The following ELK1 variants were observed in gnomAD, a reference collection of about 807,000 sequenced individuals.
ELK1 encodes ETS domain-containing protein Elk-1.
For missense variants in ELK1, 254 were observed against 381.5 expected, an observed-to-expected ratio of 0.67 and a Z score of 2.78; for synonymous variants, 163 against 176.3, an observed-to-expected ratio of 0.92 and a Z score of 0.60.
intron 2 of ELK1, among the ~76,000 whole-genome samples, chrX:47,648,382 T>C (rs1270831648): frequency 8.8e-6 from 1 of 113,008 alleles, no homozygotes; most frequent in East Asian, 2.8e-4. Context: ...CAGAGCATAT[T>C]ACGTACCTCA....
At chrX:47,647,950 T>C (rs2058048667) in intron 2 of ELK1, among the ~76,000 whole-genome samples, 1 of 112,479 alleles carries the variant, frequency 8.9e-6, no homozygotes, top group African/African-American at 3.2e-5. Context: ...ACAAGTAGCA[T>C]TGTTAGGAAC....
chrX:47,644,406 G>A (rs1035048122), intron 2 of ELK1, among the ~76,000 whole-genome samples: 1 of 111,493 alleles, frequency 9.0e-6, no homozygotes, highest in African/African-American at 3.3e-5. Context: ...ATACAGTCGA[G>A]AACGCAACAG....
intron 5 of ELK1, 27 bp from the exon 6 acceptor site, chrX:47,637,141 A>C: frequency 4.5e-5 from 53 of 1,167,662 alleles, no homozygotes; most frequent in Middle Eastern, 3.2e-4. Context: ...GTCGGAGCTC[A>C]AGTGAGTAGA....
intron 3 of ELK1, 53 bp downstream of exon 3, chrX:47,641,179 T>A: frequency 8.7e-7 from 1 of 1,152,424 alleles, no homozygotes. Context: ...CAAAATAAAA[T>A]CTCTGATATA....
rs192153480 is a variant in ELK1 at position 47,638,976 on chromosome X, C to T, written c.573G>A (p.Ala191=). The T allele has an allele frequency of 1.3e-5, 16 of 1,198,542 alleles. No homozygotes were observed. Among genetic ancestry groups the T allele is most frequent in the Admixed American group, 2.3e-5 (1 of 44,046 alleles). ...LPSAAPAGAA[A]PPSGSRSTSP... Reference sequence around the variant, plus strand: ...TGGTGCTCCTGCTCCCCGAGGGGGGCGCTGCTGCCCCTGCAGGAGCTGCAC... The same window carrying T: ...TGGTGCTCCTGCTCCCCGAGGGGGGTGCTGCTGCCCCTGCAGGAGCTGCAC... Residue 191 remains alanine (A), a synonymous_variant, in exon 4 of 7, where the codon GCG becomes GCA. Transcript: ENST00000376983.
At chrX:47,638,711 C>G (rs1439577054) in intron 4 of ELK1, among the ~76,000 whole-genome samples, 184 bp downstream of exon 4, 1 of 112,276 alleles carries the variant, frequency 8.9e-6, no homozygotes, top group Non-Finnish European at 1.9e-5. Flanking sequence ...TCTCCCCTTT[C>G]TGTCTCAGGA....
rs1473919771 is a variant in ELK1 at position 47,636,888 on chromosome X, T to C, written c.1228A>G (p.Ile410Val). 2 of 1,171,889 alleles carry C rather than the reference T, an allele frequency of 1.7e-6. No individual in the cohort carries two copies. The highest frequency in any genetic ancestry group is 2.3e-6 in the Non-Finnish European group (2 of 874,652). ...GGGGTCGAGAGGCCATCCACGCTGA[T>C]AGAAGGGATGTGCACCTGGGCGCTG... ...SGSAQVHIPSISVDGLSTPVV... is the reference protein window; with the variant it reads ...SGSAQVHIPSVSVDGLSTPVV... Residue 410 changes from isoleucine to valine, a missense_variant, in exon 7 of 7, where the codon ATC (isoleucine) becomes GTC (valine). Coordinates refer to ENST00000376983, the MANE Select transcript of ELK1 (RefSeq NM_001114123.3).
At chrX:47,646,890 G>A (rs1328691504) in intron 2 of ELK1, among the ~76,000 whole-genome samples, 2 of 111,559 alleles carry the variant, frequency 1.8e-5, no homozygotes, top group Non-Finnish European at 3.8e-5. Flanking sequence ...CCGCCTTGAT[G>A]TTCCTTGAAC....
intron 2 of ELK1, among the ~76,000 whole-genome samples, chrX:47,646,429 C>T (rs1284322029): frequency 9.0e-6 from 1 of 111,464 alleles, no homozygotes; most frequent in African/African-American, 3.3e-5. Context: ...CCCAGCTATA[C>T]ACCACAGTTT....
At chrX:47,639,378 G>T in intron 3 of ELK1, 40 bp from the exon 4 acceptor site, 1 of 1,117,965 alleles carries the variant, frequency 8.9e-7, no homozygotes. Context: ...TTAGAGGAAA[G>T]GGGCAGGCTG....
At position 47,637,808 on chromosome X, in the gene ELK1, G is replaced by A. The variant is rs762372393; in HGVS notation, c.1029C>T (p.Ser343=). The change falls in exon 5 of 7, where the codon TCC becomes TCT. Residue 343 remains serine (S), a synonymous_variant. Transcript: ENST00000376983. ...PERTPGSGSG[S]GLQAPGPALT... is the part of the protein sequence containing the mutation. Reference sequence around the variant, plus strand: ...GCGCCGGCCCCGGAGCCTGGAGGCCGGAGCCACTTCCCGATCCTGGGGTCC... The same window carrying A: ...GCGCCGGCCCCGGAGCCTGGAGGCCAGAGCCACTTCCCGATCCTGGGGTCC... 102 of 1,193,364 alleles carry A rather than the reference G, an allele frequency of 8.5e-5. No individual in the cohort carries two copies. Among genetic ancestry groups the A allele is most frequent in the South Asian group, 2.5e-4 (14 of 54,924 alleles).
At chrX:47,642,406 GTTTT>G (rs112935420) in intron 2 of ELK1, among the ~76,000 whole-genome samples, 499 of 105,835 alleles carry the variant, frequency 4.7e-3, no homozygotes, top group Non-Finnish European at 8.4e-3. Context: ...TTTTCAGGAG[GTTTT>G]TTTTTTGCCA....
In ELK1 at chrX:47,641,493, G is replaced by A. The variant is rs1428882390; in HGVS notation, c.-34-18C>T. 8.8e-7 allele frequency: 1 copy of A among 1,135,103 alleles called. No homozygotes were observed. The highest frequency in any genetic ancestry group is 1.9e-5 in the South Asian group (1 of 52,940). 93.5% of individuals were successfully genotyped at this position (1,135,103 alleles called of 1,213,427 possible). On this transcript the variant is annotated intron_variant, in intron 2 of 6. Coordinates refer to ENST00000376983, the MANE Select transcript of ELK1 (RefSeq NM_001114123.3). Reference sequence around the variant, plus strand: ...AGGGGTACCTGGAGAGCAAACAGCTGAGTTGAGAGGCTGTGGACATAGGAG... The same window carrying A: ...AGGGGTACCTGGAGAGCAAACAGCTAAGTTGAGAGGCTGTGGACATAGGAG...
chrX:47,637,553 CA>C (rs1283547657), intron 5 of ELK1, among the ~76,000 whole-genome samples, 197 bp downstream of exon 5: 2 of 111,195 alleles, frequency 1.8e-5, no homozygotes, highest in Non-Finnish European at 3.8e-5. Context: ...GTCCCACCCA[CA>C]AAAGTCCCCA....
chrX:47,637,940 G>T lies in ELK1; in HGVS notation c.897C>A (p.Gly299=), dbSNP rs2058014965. 8.3e-7 allele frequency: 1 copy of T among 1,202,573 alleles called. No homozygotes were observed. Among genetic ancestry groups the T allele is most frequent in the Admixed American group, 2.2e-5 (1 of 45,186 alleles). ...AGATCTCAGGGCTGGAAGCCGCATG[G>T]CCGCCCGCCTGCCCTGCGGTGTCCA... ...VVMDTAGQAG[G]HAASSPEISQ... is the part of the protein sequence containing the mutation. The change falls in exon 5 of 7, where the codon GGC becomes GGA. Residue 299 remains glycine (G), a synonymous_variant. Transcript: ENST00000376983.
At position 47,637,043 on chromosome X, in the gene ELK1, C is replaced by T. The variant is rs147990079; in HGVS notation, c.1158G>A (p.Ala386=). ...AGGAGAGCTTGGCCGGGCTACGGGG[C>T]GCAATGGGACTCAGGGTGCTCCAGA... The part of the protein sequence containing the change: ...IHFWSTLSPI[A]PRSPAKLSFQ... Residue 386 remains alanine, a synonymous_variant, in exon 6 of 7, where the codon GCG becomes GCA. Coordinates refer to ENST00000376983, the MANE Select transcript of ELK1 (RefSeq NM_001114123.3). The T allele has an allele frequency of 8.0e-4, 967 of 1,208,342 alleles. 3 individuals carry two copies. The African/African-American group carries it at 0.014, about 17-fold the overall frequency.
rs756596523 is a variant in ELK1 at position 47,636,994 on chromosome X, C to T, written c.1188+19G>A. ...CTTGGGTCTCTCACCCTGTCCAAAA[C>T]GGGGAAAGAGGATCCTACCTGGAAG... is the stretch of plus-strand genomic sequence containing the variant. On this transcript the variant is annotated intron_variant, in intron 6 of 6. Transcript: ENST00000376983. 1.7e-5 allele frequency: 20 copies of T among 1,204,162 alleles called. No individual in the cohort carries two copies. Among genetic ancestry groups the T allele is most frequent in the Middle Eastern group, 2.3e-4 (1 of 4,342 alleles).
At position 47,650,533 on chromosome X, in the gene ELK1, T is replaced by C. The variant is rs769367920; in HGVS notation, c.-251A>G. On this transcript the variant is annotated 5_prime_UTR_variant, in exon 1 of 7. Coordinates refer to ENST00000376983, the MANE Select transcript of ELK1 (RefSeq NM_001114123.3). Reference sequence around the variant, plus strand: ...CTGGGTTCCGAGGCGGCGGTGGAGGTGGTGGTGGCGGTGGCGGCGGCAGCA... The same window carrying C: ...CTGGGTTCCGAGGCGGCGGTGGAGGCGGTGGTGGCGGTGGCGGCGGCAGCA... The C allele has an allele frequency of 6.3e-6, 2 of 319,058 alleles. No homozygotes were observed. Among genetic ancestry groups the C allele is most frequent in the Admixed American group, 3.5e-5 (1 of 28,718 alleles). The allele number at this position is 319,058 out of a possible 1,213,427, so 26.3% of individuals were successfully genotyped here.
chrX:47,648,759 T>C (rs1242862482), intron 2 of ELK1: 1 of 111,633 alleles, frequency 9.0e-6, no homozygotes, highest in Non-Finnish European at 1.9e-5. Flanking sequence ...TTAATATTTA[T>C]TTACACTGGA....
Sources: gnomAD v4.1 joint callset for allele counts (sites outside exome capture counted in the v4.1 genomes callset) on GRCh38, gnomAD v4.1.1 for gene constraint, MANE v1.5 for transcripts, NCBI Gene and HGNC (gene_info 2026-07-23, HGNC 2026-07-21) for gene names.